Variants in OMA1 observed in about 807,000 individuals in gnomAD.
The protein encoded by OMA1 is OMA1 zinc metallopeptidase.
In OMA1, 38 loss-of-function variants were observed where a neutral mutation model predicts 30.9. That is an observed-to-expected ratio of 1.23 (90% CI 0.95 to 1.61). The LOEUF (loss-of-function observed/expected upper bound fraction) is 1.61. Among genes scored for constraint, OMA1 ranks in the 40% most tolerant of loss-of-function variants. The probability of loss-of-function intolerance (pLI) is 0.00; values close to 1 mark genes in which losing one functional copy is unlikely to be tolerated. For synonymous variants in OMA1, 173 were observed against 121.9 expected, an observed-to-expected ratio of 1.42 and a Z score of -2.76; for missense variants, 461 against 349.2, an observed-to-expected ratio of 1.32 and a Z score of -2.55.
intron 6 of OMA1, among the ~76,000 whole-genome samples, chr1:58,529,819 G>A (rs554106920): frequency 5.9e-4 from 90 of 152,252 alleles, no homozygotes; most frequent in African/African-American, 2.1e-3. Flanking sequence ...AAGTAATCTA[G>A]AGATGATTTA....
chr1:58,523,075 T>C (rs918409246), intron 7 of OMA1, among the ~76,000 whole-genome samples: 5 of 152,238 alleles, frequency 3.3e-5, no homozygotes, highest in African/African-American at 1.2e-4. Context: ...TCAATTTGTT[T>C]TCTGGCACTA....
At chr1:58,542,003 A>C (rs767381412) in intron 1 of OMA1, among the ~76,000 whole-genome samples, 4 of 152,250 alleles carry the variant, frequency 2.6e-5, no homozygotes, top group Non-Finnish European at 4.4e-5. Context: ...TTATCTAGAA[A>C]GATGCTCCAG....
chr1:58,507,294 T>A (rs1287999896), intron 7 of OMA1, among the ~76,000 whole-genome samples: 1 of 151,926 alleles, frequency 6.6e-6, no homozygotes, highest in African/African-American at 2.4e-5. Context: ...ATATATATAC[T>A]ATACTGACTA....
At chr1:58,517,989 C>A (rs1415065699) in intron 7 of OMA1, among the ~76,000 whole-genome samples, 1 of 151,266 alleles carries the variant, frequency 6.6e-6, no homozygotes, top group Non-Finnish European at 1.5e-5. Context: ...GAGTTCGAGA[C>A]CAGCCTGCCC....
chr1:58,489,609 T>A (rs6661832), intron 8 of OMA1, among the ~76,000 whole-genome samples: 1 of 152,040 alleles, frequency 6.6e-6, no homozygotes, highest in African/African-American at 2.4e-5. Flanking sequence ...TCTCCCAGCA[T>A]GCAGCTTGAG....
At chr1:58,494,587 C>A (rs1261427000) in intron 8 of OMA1, among the ~76,000 whole-genome samples, 1 of 152,086 alleles carries the variant, frequency 6.6e-6, no homozygotes, top group Non-Finnish European at 1.5e-5. Flanking sequence ...AAACAAACAA[C>A]CCCATCAAAA....
chr1:58,494,963 T>C (rs1263302305), intron 8 of OMA1, among the ~76,000 whole-genome samples: 1 of 152,168 alleles, frequency 6.6e-6, no homozygotes, highest in Admixed American at 6.5e-5. Context: ...TAAAGACACA[T>C]GCACACGTAT....
At chr1:58,486,664 A>C (rs1009485951) in intron 8 of OMA1, among the ~76,000 whole-genome samples, 1 of 152,246 alleles carries the variant, frequency 6.6e-6, no homozygotes, top group Admixed American at 6.5e-5. Context: ...AGTTAAGTAC[A>C]TGAAGAAACT....
At chr1:58,525,136 C>G (rs559764789) in intron 7 of OMA1, among the ~76,000 whole-genome samples, 1 of 152,002 alleles carries the variant, frequency 6.6e-6, no homozygotes, top group African/African-American at 2.4e-5. Context: ...TTTTCATAAC[C>G]GATTTGTGTT....
At chr1:58,521,727 T>C (rs147151040) in intron 7 of OMA1, among the ~76,000 whole-genome samples, 6 of 152,276 alleles carry the variant, frequency 3.9e-5, no homozygotes, top group East Asian at 1.9e-4. Flanking sequence ...TAGAAAAATC[T>C]GAATAGTTCT....
chr1:58,542,176 A>G (rs1236258546), intron 1 of OMA1, among the ~76,000 whole-genome samples: 1 of 152,252 alleles, frequency 6.6e-6, no homozygotes, highest in African/African-American at 2.4e-5. Flanking sequence ...CCTTTTTGAA[A>G]TACAACCAAT....
At chr1:58,546,169 G>C (rs549638267) in intron 1 of OMA1, among the ~76,000 whole-genome samples, 5 of 152,254 alleles carry the variant, frequency 3.3e-5, no homozygotes, top group Admixed American at 6.5e-5. Flanking sequence ...TGCTTAGACG[G>C]GGAATGTTCT....
intron 7 of OMA1, among the ~76,000 whole-genome samples, chr1:58,507,954 A>C (rs1646015287): frequency 6.6e-6 from 1 of 152,220 alleles, no homozygotes; most frequent in Non-Finnish European, 1.5e-5. Flanking sequence ...TTCACGAATT[A>C]TCTAACATGA....
chr1:58,514,196 G>T (rs1418554556), intron 7 of OMA1, among the ~76,000 whole-genome samples: 2 of 152,032 alleles, frequency 1.3e-5, no homozygotes, highest in Non-Finnish European at 2.9e-5. Flanking sequence ...ACAATCCAGA[G>T]AATATAAATG....
At chr1:58,529,783 T>C (rs1646405182) in intron 6 of OMA1, among the ~76,000 whole-genome samples, 1 of 152,232 alleles carries the variant, frequency 6.6e-6, no homozygotes, top group African/African-American at 2.4e-5. Flanking sequence ...AAAATAACTA[T>C]TTACATAGCA....
At chr1:58,490,338 A>T (rs1039851387) in intron 8 of OMA1, among the ~76,000 whole-genome samples, 43 of 152,214 alleles carry the variant, frequency 2.8e-4, no homozygotes, top group Non-Finnish European at 8.8e-5. Context: ...AAGAAAAGGT[A>T]TCAGTGATGG....
At chr1:58,503,577 G>C (rs994248387) in intron 8 of OMA1, among the ~76,000 whole-genome samples, 1 of 152,060 alleles carries the variant, frequency 6.6e-6, no homozygotes, top group Non-Finnish European at 1.5e-5. Flanking sequence ...AAGCGCCTTT[G>C]GGAGGCGATT....
At chr1:58,498,545 G>A (rs1232412923) in intron 8 of OMA1, among the ~76,000 whole-genome samples, 2 of 152,104 alleles carry the variant, frequency 1.3e-5, no homozygotes, top group Admixed American at 1.3e-4. Flanking sequence ...AGAGAATAGT[G>A]GGTAACTACT....
At chr1:58,506,918 T>C (rs1983078) in intron 7 of OMA1, among the ~76,000 whole-genome samples, 322 of 152,180 alleles carry the variant, frequency 2.1e-3, no homozygotes, top group African/African-American at 7.4e-3. Context: ...TTTAAAAGAA[T>C]ATATGTAGAT....
Sources: gnomAD v4.1 joint callset for allele counts (sites outside exome capture counted in the v4.1 genomes callset) on GRCh38, gnomAD v4.1.1 for gene constraint, MANE v1.5 for transcripts, NCBI Gene and HGNC (gene_info 2026-07-23, HGNC 2026-07-21) for gene names.